DCP1A: variants seen among roughly 807,000 people sequenced by gnomAD.
DCP1A encodes the protein mRNA-decapping enzyme 1A.
A neutral mutation model predicts 58.0 loss-of-function variants in DCP1A; 20 were observed. The ratio of observed to expected loss-of-function variants is 0.34; its 90% CI spans 0.24 to 0.50. DCP1A has a LOEUF of 0.50. Among genes scored for constraint, DCP1A ranks in the 20% least tolerant of loss-of-function variants. The pLI is 0.98. For synonymous variants in DCP1A, 285 were observed against 275.1 expected (o/e 1.04, Z -0.36); for missense variants, 613 against 712.2 (o/e 0.86, Z 1.59).
chr3:53,304,227 G>C lies in DCP1A; in HGVS notation c.574C>G (p.Leu192Val), dbSNP rs1707397703. 1.2e-6 allele frequency: 2 copies of C among 1,613,818 alleles called. No individual in the cohort carries two copies. Among genetic ancestry groups the C allele is most frequent in the Non-Finnish European group, 1.7e-6 (2 of 1,179,858 alleles). The change falls in exon 6 of 10, where the codon CTG becomes GTG. Residue 192 changes from leucine (L) to valine (V), a missense_variant. Around this residue, in one of 3 missense-constraint regions of DCP1A, gnomAD observed 498 missense variants for 556.7 expected, o/e 0.89. Transcript: ENST00000610213. ...GLQPSTQLSN[L>V]GSTETLEEMP... ...TCTTCTAGAGTCTCGGTGCTTCCCAGATTGGAGAGCTGAGTGCTTGGCTGT... is the reference window on the plus strand; with the variant it reads ...TCTTCTAGAGTCTCGGTGCTTCCCACATTGGAGAGCTGAGTGCTTGGCTGT...
At chr3:53,337,388 G>A (rs1553692062) in intron 3 of DCP1A, among the ~76,000 whole-genome samples, 3 of 152,144 alleles carry the variant, frequency 2.0e-5, no homozygotes, top group Non-Finnish European at 4.4e-5. Context: ...ATGTCCCTAG[G>A]ATTCTTTCAC....
At chr3:53,336,768 C>T (rs1391627160) in intron 3 of DCP1A, among the ~76,000 whole-genome samples, 1 of 152,144 alleles carries the variant, frequency 6.6e-6, no homozygotes, top group Non-Finnish European at 1.5e-5. Flanking sequence ...AATGGTACAA[C>T]TTGAACCTTA....
chr3:53,324,501 C>T (rs1708058338), intron 3 of DCP1A, among the ~76,000 whole-genome samples: 1 of 152,256 alleles, frequency 6.6e-6, no homozygotes, highest in South Asian at 2.1e-4. Context: ...CCAACACATT[C>T]TGCCAACAAT....
At chr3:53,302,120 T>C (rs1707328429) in intron 6 of DCP1A, among the ~76,000 whole-genome samples, 1 of 152,174 alleles carries the variant, frequency 6.6e-6, no homozygotes, top group Non-Finnish European at 1.5e-5. Context: ...CAGAACTGAA[T>C]ATACACACAA....
intron 3 of DCP1A, among the ~76,000 whole-genome samples, chr3:53,338,956 C>T (rs1207844521): frequency 6.6e-6 from 1 of 151,804 alleles, no homozygotes; most frequent in Admixed American, 6.6e-5. Context: ...ACATTAACTC[C>T]AAAAATTAAT....
intron 4 of DCP1A, among the ~76,000 whole-genome samples, chr3:53,315,751 T>TG (rs1352934113): frequency 9.4e-6 from 1 of 105,968 alleles, no homozygotes; most frequent in Non-Finnish European, 1.8e-5. Flanking sequence ...GTTGTTTTTT[T>TG]TTTTTGTTTT....
intron 3 of DCP1A, among the ~76,000 whole-genome samples, chr3:53,326,029 A>G (rs1234012586): frequency 1.3e-5 from 2 of 152,190 alleles, no homozygotes. Context: ...TTAAATTGTA[A>G]TATCTACTTA....
At chr3:53,308,042 C>T (rs998020907) in intron 5 of DCP1A, among the ~76,000 whole-genome samples, 13 of 152,118 alleles carry the variant, frequency 8.5e-5, no homozygotes, top group Middle Eastern at 6.8e-3. Context: ...TACCAAAGAA[C>T]ATTAATAAAT....
intron 3 of DCP1A, among the ~76,000 whole-genome samples, chr3:53,339,183 T>C (rs370916523): frequency 6.6e-6 from 1 of 152,176 alleles, no homozygotes; most frequent in African/African-American, 2.4e-5. Context: ...CTTTTAAGAC[T>C]ATGTAGACAA....
At chr3:53,332,431 T>C (rs1355627432) in intron 3 of DCP1A, among the ~76,000 whole-genome samples, 1 of 152,262 alleles carries the variant, frequency 6.6e-6, no homozygotes, top group South Asian at 2.1e-4. Context: ...GCTTCTTGTT[T>C]TTAAAAATGC....
At chr3:53,327,528 G>A (rs1358984311) in intron 3 of DCP1A, among the ~76,000 whole-genome samples, 3 of 152,192 alleles carry the variant, frequency 2.0e-5, no homozygotes, top group East Asian at 3.8e-4. Context: ...GGTGGCTCAC[G>A]CTTGTAATCC....
In DCP1A at chr3:53,293,045, A is replaced by G. The variant is rs191358787; in HGVS notation, c.625-218T>C. On this transcript the variant is annotated intron_variant, in intron 6 of 9. Transcript: ENST00000610213. ...AATTTGCATTGGTAATATAATTCAA[A>G]TTTTTAGGGTCTCTGGGTAGCAGGA... 3.0e-3 allele frequency among the ~76,000 whole-genome samples: 458 copies of G among 152,184 alleles called. 4 individuals carry two copies. The highest frequency in any genetic ancestry group is 0.01 in the African/African-American group (426 of 41,520).
chr3:53,322,813 CTTTT>C (rs1305800543), intron 3 of DCP1A, among the ~76,000 whole-genome samples: 2 of 135,510 alleles, frequency 1.5e-5, no homozygotes, highest in Admixed American at 7.5e-5. Flanking sequence ...TGTTTGTTTG[CTTTT>C]TTTTTTTTTT....
chr3:53,335,632 C>T (rs2089100169), intron 3 of DCP1A, among the ~76,000 whole-genome samples: 1 of 152,116 alleles, frequency 6.6e-6, no homozygotes, highest in Non-Finnish European at 1.5e-5. Flanking sequence ...TGTCATATTT[C>T]CATTTTGTCC....
chr3:53,305,577 T>C (rs1368909210), intron 5 of DCP1A, among the ~76,000 whole-genome samples: 1 of 152,118 alleles, frequency 6.6e-6, no homozygotes, highest in African/African-American at 2.4e-5. Context: ...CTCGAACTCC[T>C]GACTTCAGGT....
chr3:53,290,740 G>T, intron 8 of DCP1A, 51 bp downstream of exon 8: 1 of 1,077,650 alleles, frequency 9.3e-7, no homozygotes, highest in South Asian at 1.4e-5. Flanking sequence ...TATGGCACCC[G>T]ACTAGTCTTA....
Position 53,290,142 on chromosome 3 carries a change from T to TA in DCP1A, c.1449+648dup, listed in dbSNP as rs541749838. 7.2e-4 allele frequency among the ~76,000 whole-genome samples: 109 copies of TA among 150,910 alleles called. No homozygotes were observed. The Middle Eastern group carries it at 0.01, about 15-fold the overall frequency. ...GAAAACAGAAATGACTTTAGGGAGC[T>TA]AAAAAAAAACCTGTGTGCATTGCAA... On this transcript the variant is annotated intron_variant, in intron 8 of 9. Transcript: ENST00000610213.
intron 3 of DCP1A, among the ~76,000 whole-genome samples, chr3:53,327,517 CG>C (rs1399861177): frequency 6.6e-6 from 1 of 152,084 alleles, no homozygotes; most frequent in Non-Finnish European, 1.5e-5. Flanking sequence ...TGGCCGGGTG[CG>C]GTGGCTCACG....
At chr3:53,305,060 G>T (rs1468257078) in intron 5 of DCP1A, among the ~76,000 whole-genome samples, 1 of 152,068 alleles carries the variant, frequency 6.6e-6, no homozygotes, top group African/African-American at 2.4e-5. Context: ...CGGCAACTAG[G>T]TCTATTCTCT....
Sources: allele counts gnomAD v4.1 joint callset (sites outside exome capture counted in the v4.1 genomes callset), GRCh38; gene constraint gnomAD v4.1.1; regional missense constraint gnomAD v4.1.1; transcripts MANE v1.5; gene names NCBI Gene and HGNC (gene_info 2026-07-23, HGNC 2026-07-21).